TIAM1: variants seen among roughly 807,000 people sequenced by gnomAD.
The protein encoded by TIAM1 is TIAM Rac1 associated GEF 1.
A neutral mutation model predicts 163.5 loss-of-function variants in TIAM1; 65 were observed. The observed-to-expected ratio is 0.40, with a 90% CI of 0.33 to 0.49. The LOEUF (loss-of-function observed/expected upper bound fraction) is 0.49. Ranked by LOEUF, TIAM1 falls within the 20% of genes least tolerant of loss-of-function variation. The probability of loss-of-function intolerance (pLI) is 0.77; values close to 1 mark genes in which losing one functional copy is unlikely to be tolerated. For missense variants in TIAM1, 1,789 were observed against 2,044.7 expected (o/e 0.87, Z 2.41); for synonymous variants, 833 against 810.1 (o/e 1.03, Z -0.48).
chr21:31,548,852 G>T (rs1466497701), intron 1 of TIAM1, among the ~76,000 whole-genome samples: 2 of 151,976 alleles, frequency 1.3e-5, no homozygotes, highest in African/African-American at 4.8e-5. Flanking sequence ...TGCACTGGAG[G>T]ATGTTCAGCA....
At chr21:31,260,763 A>C (rs2072424521) in intron 4 of TIAM1, among the ~76,000 whole-genome samples, 1 of 152,050 alleles carries the variant, frequency 6.6e-6, no homozygotes, top group South Asian at 2.1e-4. Flanking sequence ...GTGTTTTAAA[A>C]ATCGATTTTA....
intron 2 of TIAM1, among the ~76,000 whole-genome samples, chr21:31,310,349 C>T (rs945965334): frequency 1.3e-5 from 2 of 152,082 alleles, no homozygotes. Flanking sequence ...GACCACATGG[C>T]GAGAGAGAAA....
At chr21:31,189,641 T>C (rs954549630) in intron 13 of TIAM1, among the ~76,000 whole-genome samples, 7 of 152,136 alleles carry the variant, frequency 4.6e-5, no homozygotes, top group Admixed American at 6.5e-5. Flanking sequence ...GGAATTCATA[T>C]TGGACACCAG....
chr21:31,127,584 A>T (rs749465231), intron 25 of TIAM1, among the ~76,000 whole-genome samples: 118 of 151,910 alleles, frequency 7.8e-4, no homozygotes, highest in Non-Finnish European at 1.4e-3. Context: ...CGCCCGGCTA[A>T]TTTTTGTATT....
intron 1 of TIAM1, among the ~76,000 whole-genome samples, chr21:31,507,918 C>A (rs2047084930): frequency 6.6e-6 from 1 of 152,110 alleles, no homozygotes; most frequent in Admixed American, 6.6e-5. Flanking sequence ...GTGACTGTGA[C>A]CCAACTGGAA....
At chr21:31,294,068 AC>A (rs2074134725) in intron 2 of TIAM1, among the ~76,000 whole-genome samples, 1 of 152,100 alleles carries the variant, frequency 6.6e-6, no homozygotes, top group Non-Finnish European at 1.5e-5. Flanking sequence ...CTAAGCCAAG[AC>A]TTCAAGCACA....
chr21:31,475,909 T>C (rs957293830), intron 1 of TIAM1, among the ~76,000 whole-genome samples: 1 of 152,230 alleles, frequency 6.6e-6, no homozygotes, highest in African/African-American at 2.4e-5. Context: ...AGGTCATTTT[T>C]ATATAAACAT....
At chr21:31,411,878 T>C (rs951358572) in intron 2 of TIAM1, among the ~76,000 whole-genome samples, 1 of 146,238 alleles carries the variant, frequency 6.8e-6, no homozygotes, top group African/African-American at 2.4e-5. Flanking sequence ...ACGTATGTAA[T>C]GGGCAATCGG....
chr21:31,173,079 T>C (rs1193738374), intron 15 of TIAM1, among the ~76,000 whole-genome samples: 1 of 152,170 alleles, frequency 6.6e-6, no homozygotes, highest in Non-Finnish European at 1.5e-5. Context: ...GCAGTTTACA[T>C]TGAGATTTAC....
At chr21:31,370,432 T>C (rs1447872378) in intron 2 of TIAM1, among the ~76,000 whole-genome samples, 2 of 152,184 alleles carry the variant, frequency 1.3e-5, no homozygotes, top group Admixed American at 1.3e-4. Flanking sequence ...TGAGAGCATA[T>C]CTGTGATTCA....
At chr21:31,213,503 G>C (rs752956675) in intron 9 of TIAM1, 31 bp from the exon 10 acceptor site, 1 of 1,606,688 alleles carries the variant, frequency 6.2e-7, no homozygotes, top group East Asian at 2.2e-5. Flanking sequence ...CCTTAAAAAG[G>C]AATCTGGGCA....
chr21:31,316,599 T>C (rs928763439), intron 2 of TIAM1, among the ~76,000 whole-genome samples: 2 of 152,166 alleles, frequency 1.3e-5, no homozygotes, highest in African/African-American at 2.4e-5. Context: ...ATCTAAGGTG[T>C]TCTGAGCCAA....
At chr21:31,221,241 G>A (rs1476918360) in intron 8 of TIAM1, among the ~76,000 whole-genome samples, 1 of 152,178 alleles carries the variant, frequency 6.6e-6, no homozygotes, top group Non-Finnish European at 1.5e-5. Flanking sequence ...CACCCAACAG[G>A]CTCGCCTGAC....
intron 13 of TIAM1, among the ~76,000 whole-genome samples, chr21:31,193,652 G>A (rs374698043): frequency 5.9e-5 from 9 of 152,098 alleles, no homozygotes; most frequent in African/African-American, 1.4e-4. Context: ...GGCAGAGAGC[G>A]AGGAGAAGAA....
intron 2 of TIAM1, among the ~76,000 whole-genome samples, chr21:31,287,543 G>A (rs1474167817): frequency 6.6e-6 from 1 of 152,202 alleles, no homozygotes; most frequent in Non-Finnish European, 1.5e-5. Flanking sequence ...ACCTGGTCCT[G>A]ACAGGTTAAT....
At chr21:31,389,099 T>A (rs572794888) in intron 2 of TIAM1, among the ~76,000 whole-genome samples, 1 of 152,254 alleles carries the variant, frequency 6.6e-6, no homozygotes, top group Non-Finnish European at 1.5e-5. Flanking sequence ...TGTGGCTACA[T>A]TCCAATAAAA....
chr21:31,458,960 C>G (rs2045220662), intron 2 of TIAM1, among the ~76,000 whole-genome samples: 1 of 152,186 alleles, frequency 6.6e-6, no homozygotes, highest in Admixed American at 6.5e-5. Context: ...AGAAAGGCCT[C>G]TGAAGTGCCC....
intron 1 of TIAM1, among the ~76,000 whole-genome samples, chr21:31,466,722 C>T (rs977520544): frequency 1.3e-5 from 2 of 152,192 alleles, no homozygotes; most frequent in Admixed American, 6.5e-5. Context: ...TAATACCTGA[C>T]ACCACATAAC....
intron 2 of TIAM1, among the ~76,000 whole-genome samples, chr21:31,304,576 T>C (rs540344404): frequency 2.6e-5 from 4 of 152,234 alleles, no homozygotes; most frequent in Admixed American, 6.5e-5. Flanking sequence ...GTTAAGATTC[T>C]TTTTAAAATG....
Sources: gnomAD v4.1 joint callset for allele counts (sites outside exome capture counted in the v4.1 genomes callset) on GRCh38, gnomAD v4.1.1 for gene constraint, MANE v1.5 for transcripts, NCBI Gene and HGNC (gene_info 2026-07-23, HGNC 2026-07-21) for gene names.